The following CDH18 variants were observed in gnomAD, a reference collection of about 807,000 sequenced individuals.
The protein encoded by CDH18 is cadherin-18.
CDH18 carries 31 observed loss-of-function variants against 67.9 expected under a neutral mutation model. That is an observed-to-expected ratio of 0.46 (90% CI 0.34 to 0.62). CDH18 has a LOEUF of 0.62. CDH18 is among the 20% of genes least tolerant of loss of function. The pLI, the probability that CDH18 is intolerant of heterozygous loss-of-function variation, is 0.01. For synonymous variants in CDH18, 362 were observed against 347.2 expected (o/e 1.04, Z -0.48); for missense variants, 890 against 975.5 (o/e 0.91, Z 1.17).
At chr5:19,625,783 AC>A (rs1751443852) in intron 5 of CDH18, among the ~76,000 whole-genome samples, 1 of 152,024 alleles carries the variant, frequency 6.6e-6, no homozygotes, top group African/African-American at 2.4e-5. Context: ...GGGTAGAGCC[AC>A]AGAAGTTCAC....
chr5:19,997,488 A>C (rs1406540599), intron 2 of CDH18, among the ~76,000 whole-genome samples: 1 of 152,186 alleles, frequency 6.6e-6, no homozygotes, highest in African/African-American at 2.4e-5. Flanking sequence ...ATTGCCGGAC[A>C]ATCTCAAGCA....
intron 2 of CDH18, among the ~76,000 whole-genome samples, chr5:20,145,799 C>T (rs1183184286): frequency 1.3e-5 from 2 of 152,164 alleles, no homozygotes; most frequent in African/African-American, 4.8e-5. Context: ...CATCCTTCTC[C>T]ATAGATCCAT....
intron 5 of CDH18, among the ~76,000 whole-genome samples, chr5:19,688,457 T>G (rs975403537): frequency 1.3e-5 from 2 of 152,136 alleles, no homozygotes; most frequent in Non-Finnish European, 2.9e-5. Context: ...AGAAGGCATA[T>G]GAAGACTATA....
chr5:19,791,289 G>T (rs959113291), intron 3 of CDH18, among the ~76,000 whole-genome samples: 1 of 150,132 alleles, frequency 6.7e-6, no homozygotes, highest in Non-Finnish European at 1.5e-5. Flanking sequence ...CACTGAGCAG[G>T]TACTCACGGA....
intron 5 of CDH18, among the ~76,000 whole-genome samples, chr5:19,630,471 T>C (rs899555104): frequency 2.0e-5 from 3 of 151,918 alleles, no homozygotes; most frequent in Non-Finnish European, 2.9e-5. Context: ...CAAGGATCCA[T>C]TGGGGTGTGT....
At chr5:19,885,472 A>T (rs976748874) in intron 2 of CDH18, among the ~76,000 whole-genome samples, 1 of 152,226 alleles carries the variant, frequency 6.6e-6, no homozygotes, top group Non-Finnish European at 1.5e-5. Flanking sequence ...TGTAAAATAC[A>T]TCGGTTAAAA....
chr5:19,575,911 A>G (rs1742237613), intron 7 of CDH18, among the ~76,000 whole-genome samples: 1 of 152,122 alleles, frequency 6.6e-6, no homozygotes, highest in Non-Finnish European at 1.5e-5. Context: ...TTGTAATTCA[A>G]CCACTTGCAG....
chr5:20,417,848 A>G lies in CDH18; in HGVS notation c.-580+157614T>C, dbSNP rs555747602. On this transcript the variant is annotated intron_variant, in intron 1 of 14. Coordinates refer to the CDH18 transcript ENST00000507958. Reference sequence around the variant, plus strand: ...ATTAGAGACAGGTACAAAAGTTTCCATTCTCCCAAATAGTTATAACATCAT... The same window carrying G: ...ATTAGAGACAGGTACAAAAGTTTCCGTTCTCCCAAATAGTTATAACATCAT... Among the ~76,000 whole-genome samples the G allele has an allele frequency of 2.6e-5, 4 of 152,314 alleles. No individual in the cohort carries two copies. The South Asian group carries it at 6.2e-4, about 24-fold the overall frequency.
At chr5:20,056,459 TCTTTA>T (rs1741948846) in intron 2 of CDH18, among the ~76,000 whole-genome samples, 6 of 145,590 alleles carry the variant, frequency 4.1e-5, no homozygotes, top group Admixed American at 1.4e-4. Flanking sequence ...TTATTATTTT[TCTTTA>T]TTTTCTTTCT....
rs375135516 is a variant in CDH18 at position 20,285,365 on chromosome 5, G to C, written c.-579-29860C>G. Among the ~76,000 whole-genome samples the C allele has an allele frequency of 2.9e-4, 42 of 146,222 alleles. 2 individuals are homozygous for C. In the South Asian group the frequency reaches 8.6e-3, roughly 30 times the overall value. The stretch of plus-strand genomic sequence containing the variant: ...CCTGAGATAGGGCCATATAATCTGA[G>C]GCATGTAATATGGCCATATAATATA... On this transcript the variant is annotated intron_variant, in intron 1 of 14. Coordinates refer to the CDH18 transcript ENST00000507958.
chr5:19,967,758 G>C (rs1394673658), intron 2 of CDH18, among the ~76,000 whole-genome samples: 1 of 150,768 alleles, frequency 6.6e-6, no homozygotes, highest in South Asian at 2.1e-4. Flanking sequence ...AAAACTGGAA[G>C]CATTCCTTTT....
chr5:19,648,213 G>A (rs966883675), intron 5 of CDH18, among the ~76,000 whole-genome samples: 6 of 150,346 alleles, frequency 4.0e-5, no homozygotes, highest in East Asian at 2.0e-4. Flanking sequence ...TCGGTAGTTC[G>A]AGACCAGCCT....
At chr5:20,513,945 T>C (rs997985481) in intron 1 of CDH18, among the ~76,000 whole-genome samples, 4 of 152,168 alleles carry the variant, frequency 2.6e-5, no homozygotes, top group African/African-American at 9.6e-5. Flanking sequence ...ACAATTACAT[T>C]TTACAGGCAT....
chr5:20,223,347 G>T (rs1741377273), intron 2 of CDH18, among the ~76,000 whole-genome samples: 2 of 152,270 alleles, frequency 1.3e-5, no homozygotes, highest in South Asian at 4.1e-4. Flanking sequence ...TGGAACAGTT[G>T]TATTTACCCA....
chr5:20,408,975 C>G (rs1746534120), intron 1 of CDH18, among the ~76,000 whole-genome samples: 2 of 151,584 alleles, frequency 1.3e-5, no homozygotes, highest in African/African-American at 4.8e-5. Flanking sequence ...CTGCAAGAGA[C>G]AAAGAAGGAC....
intron 3 of CDH18, among the ~76,000 whole-genome samples, chr5:19,793,629 G>T (rs1456202305): frequency 1.3e-5 from 2 of 152,036 alleles, no homozygotes; most frequent in Non-Finnish European, 2.9e-5. Flanking sequence ...TTAGAAACAA[G>T]AAAATGAAGA....
At chr5:19,772,787 C>T (rs1292181147) in intron 3 of CDH18, among the ~76,000 whole-genome samples, 1 of 152,192 alleles carries the variant, frequency 6.6e-6, no homozygotes, top group Non-Finnish European at 1.5e-5. Flanking sequence ...ACAGTAATGT[C>T]AGAGCCTGGG....
At chr5:20,300,295 T>TGTGTGC (rs1281112655) in intron 1 of CDH18, among the ~76,000 whole-genome samples, 128 of 49,606 alleles carry the variant, frequency 2.6e-3, no homozygotes, top group Middle Eastern at 0.013. Context: ...GATTAAGTTG[T>TGTGTGC]GTGTGTGCGT....
chr5:19,718,702 A>G (rs1765638841), intron 5 of CDH18, among the ~76,000 whole-genome samples: 2 of 152,024 alleles, frequency 1.3e-5, no homozygotes, highest in Admixed American at 1.3e-4. Context: ...ACAGATATCC[A>G]TAGGTTCCCA....
Sources: allele counts gnomAD v4.1 joint callset (sites outside exome capture counted in the v4.1 genomes callset), GRCh38; gene constraint gnomAD v4.1.1; transcripts MANE v1.5; gene names NCBI Gene and HGNC (gene_info 2026-07-23, HGNC 2026-07-21).